PARD3B: variants seen among roughly 807,000 people sequenced by gnomAD.
PARD3B encodes the protein par-3 family cell polarity regulator beta.
In PARD3B, 103 loss-of-function variants were observed where a neutral mutation model predicts 130.2. The observed-to-expected ratio is 0.79, with a 90% CI of 0.67 to 0.93. PARD3B has a LOEUF of 0.93. Among genes scored for constraint, PARD3B ranks in the 40% least tolerant of loss-of-function variants. PARD3B has a pLI of 0.00. For synonymous variants in PARD3B, 583 were observed against 553.2 expected (o/e 1.05, Z -0.76); for missense variants, 1,609 against 1,499.2 (o/e 1.07, Z -1.21).
At chr2:204,624,416 C>G (rs1421324900) in intron 1 of PARD3B, among the ~76,000 whole-genome samples, 1 of 151,950 alleles carries the variant, frequency 6.6e-6, no homozygotes, top group Admixed American at 6.6e-5. Context: ...GAAAACTACT[C>G]AAAAAATGAA....
At chr2:205,554,430 TA>T (rs2052789416) in intron 22 of PARD3B, among the ~76,000 whole-genome samples, 1 of 152,226 alleles carries the variant, frequency 6.6e-6, no homozygotes, top group Non-Finnish European at 1.5e-5. Context: ...TCAAAAGTAA[TA>T]AAATCTGAAA....
At chr2:205,081,984 A>G (rs547619430) in intron 4 of PARD3B, among the ~76,000 whole-genome samples, 20 of 152,240 alleles carry the variant, frequency 1.3e-4, no homozygotes, top group African/African-American at 4.8e-4. Flanking sequence ...TTTGAGATGT[A>G]GTAATCTCGG....
intron 1 of PARD3B, among the ~76,000 whole-genome samples, chr2:204,598,648 A>G (rs1454424979): frequency 6.6e-6 from 1 of 152,110 alleles, no homozygotes; most frequent in Non-Finnish European, 1.5e-5. Flanking sequence ...TGTGTACAAT[A>G]TTATATTGCA....
chr2:205,281,909 CT>C lies in PARD3B; in HGVS notation c.2186-18619del, dbSNP rs1175364774. On this transcript the variant is annotated intron_variant, in intron 16 of 22. Transcript: ENST00000406610. This position sits in a 1 kb window ranked among gnomAD's most constrained non-coding sequence, Gnocchi z 4.2. ...GGAAGACAAAAAGAAACTAATTCTA[CT>C]TGTGTGTCTTCCTGGTTTTAACTTA... Among the ~76,000 whole-genome samples, 1 of 152,242 alleles carries C rather than the reference CT, an allele frequency of 6.6e-6. No individual in the cohort carries two copies. The highest frequency in any genetic ancestry group is 2.4e-5 in the African/African-American group (1 of 41,470).
Position 204,546,095 on chromosome 2 carries a change from G to T in PARD3B, c.96G>T (p.Gln32His), listed in dbSNP as rs1180122013. 1.3e-6 allele frequency: 2 copies of T among 1,556,896 alleles called. No homozygotes were observed. Among genetic ancestry groups the T allele is most frequent in the Admixed American group, 3.8e-5 (2 of 52,496 alleles). The part of the protein sequence containing the change: ...RVGELTQQAL[Q>H]RYLKTREKGP... ...GCGAGCTCACCCAGCAGGCGCTGCA[G>T]CGGTACCTGAAGACCCGGGAGAAGG... The change falls in exon 1 of 23, where the codon CAG (glutamine) becomes CAT (histidine). Residue 32 changes from glutamine (Q) to histidine (H), a missense_variant. Transcript: ENST00000406610.
intron 10 of PARD3B, among the ~76,000 whole-genome samples, chr2:205,150,211 C>CTGTGTGTG (rs71409001): frequency 1.2e-3 from 159 of 134,280 alleles, no homozygotes; most frequent in East Asian, 4.7e-3. Flanking sequence ...CAGCCAGGCT[C>CTGTGTGTG]TGTGTGTGTG....
chr2:205,266,521 T>C (rs1419821256), intron 16 of PARD3B, among the ~76,000 whole-genome samples: 1 of 152,150 alleles, frequency 6.6e-6, no homozygotes, highest in Non-Finnish European at 1.5e-5. Context: ...TATATAGTTT[T>C]GAGAGAGTTA....
At chr2:204,948,439 G>C (rs1401256931) in intron 2 of PARD3B, among the ~76,000 whole-genome samples, 1 of 152,206 alleles carries the variant, frequency 6.6e-6, no homozygotes. Context: ...AGCTACATCA[G>C]TTGAGAATAA....
At chr2:204,804,039 C>A (rs2042674516) in intron 2 of PARD3B, among the ~76,000 whole-genome samples, 1 of 152,052 alleles carries the variant, frequency 6.6e-6, no homozygotes, top group Non-Finnish European at 1.5e-5. Context: ...CATGGCAAAA[C>A]CCTGTCTACC....
intron 1 of PARD3B, among the ~76,000 whole-genome samples, chr2:204,667,644 T>A (rs1324153772): frequency 6.6e-6 from 1 of 152,178 alleles, no homozygotes; most frequent in Non-Finnish European, 1.5e-5. Context: ...TCTAGTCTAA[T>A]TTTTTGTGTG....
chr2:204,862,951 A>T (rs568119413), intron 2 of PARD3B, among the ~76,000 whole-genome samples: 3 of 152,198 alleles, frequency 2.0e-5, no homozygotes, highest in Non-Finnish European at 4.4e-5. Flanking sequence ...AAGAAGCCAC[A>T]GGCTCCTCCC....
intron 1 of PARD3B, among the ~76,000 whole-genome samples, chr2:204,650,006 AACT>A (rs1247132130): frequency 2.6e-5 from 4 of 152,224 alleles, no homozygotes; most frequent in African/African-American, 4.8e-5. Context: ...AATATTTGAA[AACT>A]ATGCATCTGA....
chr2:204,762,114 C>CTTTTTTT (rs1559124381), intron 2 of PARD3B, among the ~76,000 whole-genome samples: 1 of 121,702 alleles, frequency 8.2e-6, no homozygotes. Context: ...CCTTCTTTTT[C>CTTTTTTT]TATTTTTTTT....
Position 205,589,178 on chromosome 2 carries a change from C to G in PARD3B, c.3261-26278C>G, listed in dbSNP as rs376875609. On this transcript the variant is annotated intron_variant, in intron 22 of 22. Coordinates refer to ENST00000406610, the MANE Select transcript of PARD3B (RefSeq NM_001302769.2). This position sits in a 1 kb window ranked among gnomAD's most constrained non-coding sequence, Gnocchi z 4.1. ...TGGTGCATGTCTGTGGTCTCAGCTA[C>G]TCAGGAGGCTGAGATAGGAGGATCT... is the stretch of plus-strand genomic sequence containing the variant. Among the ~76,000 whole-genome samples, 12 of 152,272 alleles carry G rather than the reference C, an allele frequency of 7.9e-5. No individual in the cohort carries two copies. The highest frequency in any genetic ancestry group is 2.9e-4 in the African/African-American group (12 of 41,560).
intron 15 of PARD3B, among the ~76,000 whole-genome samples, chr2:205,193,766 T>C (rs2036524199): frequency 6.6e-6 from 1 of 152,202 alleles, no homozygotes; most frequent in Admixed American, 6.5e-5. Flanking sequence ...TTCTTCTCCA[T>C]GTGTGATGGA....
At chr2:205,275,072 T>C (rs935266266) in intron 16 of PARD3B, among the ~76,000 whole-genome samples, 2 of 152,020 alleles carry the variant, frequency 1.3e-5, no homozygotes, top group Non-Finnish European at 2.9e-5. Flanking sequence ...AAAATGTGAG[T>C]AAGGCTCGCT....
chr2:204,751,355 A>AT (rs1452640390), intron 2 of PARD3B, among the ~76,000 whole-genome samples: 3 of 152,224 alleles, frequency 2.0e-5, no homozygotes, highest in Non-Finnish European at 2.9e-5. Context: ...TCCTTTAGAA[A>AT]TTTATAAAAC....
chr2:204,871,705 C>G (rs761559090), intron 2 of PARD3B, among the ~76,000 whole-genome samples: 5 of 152,074 alleles, frequency 3.3e-5, no homozygotes, highest in African/African-American at 1.2e-4. Flanking sequence ...TTCATTTTGA[C>G]TCTTCCTGAT....
intron 22 of PARD3B, 21 bp downstream of exon 22, chr2:205,553,424 CCATCTCCAGCT>C (rs2052738240): frequency 6.3e-7 from 1 of 1,599,308 alleles, no homozygotes; most frequent in African/African-American, 1.3e-5. Flanking sequence ...GAGAGGTCTC[CCATCTCCAGCT>C]CACCTACAAA....
Sources: allele counts gnomAD v4.1 joint callset (sites outside exome capture counted in the v4.1 genomes callset), GRCh38; gene constraint gnomAD v4.1.1; non-coding constraint Gnocchi (gnomAD v3.1); transcripts MANE v1.5; gene names NCBI Gene and HGNC (gene_info 2026-07-23, HGNC 2026-07-21).